SLC37A3: variants seen among roughly 807,000 people sequenced by gnomAD.
SLC37A3 encodes the protein solute carrier family 37 member 3, also known as sugar phosphate exchanger 3.
In SLC37A3, 51 loss-of-function variants were observed where a neutral mutation model predicts 67.1. That is an observed-to-expected ratio of 0.76 (90% CI 0.61 to 0.96). The LOEUF is 0.96. Ranked by LOEUF, SLC37A3 falls within the 40% of genes least tolerant of loss-of-function variation. SLC37A3 has a pLI of 0.00. For missense variants in SLC37A3, 508 were observed against 603.0 expected, an observed-to-expected ratio of 0.84 and a Z score of 1.65; for synonymous variants, 214 against 231.4, an observed-to-expected ratio of 0.92 and a Z score of 0.68.
intron 3 of SLC37A3, among the ~76,000 whole-genome samples, chr7:140,376,940 ATT>A (rs34892110): frequency 0.36 from 39,186 of 110,054 alleles, 5,794 homozygotes; most frequent in South Asian, 0.41. Flanking sequence ...CACCCAGCTA[ATT>A]TTTTTTTTTT....
At position 140,335,384 on chromosome 7, in the gene SLC37A3, A is replaced by G; in HGVS notation, c.*28T>C. On this transcript the variant is annotated 3_prime_UTR_variant, in exon 15 of 15. Transcript: ENST00000326232. ...CCCCAGCGGTCCTGATGTGGCTGACATTGTTCTTTCTGTCTCGCGGGCACC... is the reference window on the plus strand; with the variant it reads ...CCCCAGCGGTCCTGATGTGGCTGACGTTGTTCTTTCTGTCTCGCGGGCACC... 1 of 1,614,112 alleles carries G rather than the reference A, an allele frequency of 6.2e-7. No homozygotes were observed. The highest frequency in any genetic ancestry group is 8.5e-7 in the Non-Finnish European group (1 of 1,180,028).
chr7:140,375,560 C>A (rs1320140924), intron 3 of SLC37A3, among the ~76,000 whole-genome samples: 1 of 152,072 alleles, frequency 6.6e-6, no homozygotes, highest in African/African-American at 2.4e-5. Flanking sequence ...TATTTTTAAT[C>A]CATGTCAAGT....
At chr7:140,360,688 C>A (rs771640755) in intron 5 of SLC37A3, among the ~76,000 whole-genome samples, 74 of 148,828 alleles carry the variant, frequency 5.0e-4, no homozygotes, top group Non-Finnish European at 8.7e-4. Flanking sequence ...GAGCCAAGAT[C>A]ATGCCACTGC....
intron 1 of SLC37A3, among the ~76,000 whole-genome samples, chr7:140,395,273 G>A (rs1436618087): frequency 6.7e-6 from 1 of 150,258 alleles, no homozygotes; most frequent in African/African-American, 2.5e-5. Flanking sequence ...CTGCTTGGGA[G>A]GCTGAGGCAG....
In SLC37A3 at chr7:140,345,136, T is replaced by C. The variant is rs1205865553; in HGVS notation, c.1174+80A>G. The C allele has an allele frequency of 1.1e-5, 15 of 1,312,470 alleles. No individual in the cohort carries two copies. The East Asian group carries it at 3.3e-4, about 29-fold the overall frequency. 81.3% of individuals were successfully genotyped at this position (1,312,470 alleles called of 1,614,324 possible). ...AATTAAGGTTTCGGTACTACTCAAA[T>C]TGAGGGAGAAAACAGTTTCCCTTTT... On this transcript the variant is annotated intron_variant, in intron 12 of 14. Transcript: ENST00000326232.
intron 14 of SLC37A3, among the ~76,000 whole-genome samples, chr7:140,336,830 G>A (rs928893367): frequency 1.3e-5 from 2 of 152,006 alleles, no homozygotes; most frequent in African/African-American, 2.4e-5. Context: ...CAGGCGCAGT[G>A]GCTCCTGCCT....
chr7:140,379,782 T>C (rs1298332162), intron 3 of SLC37A3: 1 of 150,832 alleles, frequency 6.6e-6, no homozygotes, highest in South Asian at 2.1e-4. Context: ...TAGTCCCAGC[T>C]ACTCAGGGGG....
rs142522455 is a variant in SLC37A3 at position 140,348,666 on chromosome 7, G to A, written c.984C>T (p.Ala328=). The change falls in exon 10 of 15, where the codon GCC becomes GCT. Residue 328 remains alanine (A), a synonymous_variant. Transcript: ENST00000326232. ...CGTCGTACCAAATGGACAGCTTGTC[G>A]GCTTCCGCCTCCTTCCAGCCGAAGT... ...SNNFGWKEAE[A]DKLSIWYDVG... 933 of 1,614,030 alleles carry A rather than the reference G, an allele frequency of 5.8e-4. No individual in the cohort carries two copies. The highest frequency in any genetic ancestry group is 7.3e-4 in the Non-Finnish European group (864 of 1,179,992).
At chr7:140,338,946 G>A (rs950741504) in intron 13 of SLC37A3, among the ~76,000 whole-genome samples, 1 of 151,576 alleles carries the variant, frequency 6.6e-6, no homozygotes, top group Non-Finnish European at 1.5e-5. Context: ...TAGTAGAGAC[G>A]AGGTTTCACC....
At chr7:140,380,090 C>T (rs772744898) in intron 3 of SLC37A3, 192 bp downstream of exon 3, 30 of 360,620 alleles carry the variant, frequency 8.3e-5, no homozygotes, top group Non-Finnish European at 1.5e-4. Flanking sequence ...AGAAACAAGC[C>T]GGCTGGAGAG....
At chr7:140,356,834 G>A (rs1797048425) in intron 6 of SLC37A3, among the ~76,000 whole-genome samples, 1 of 152,166 alleles carries the variant, frequency 6.6e-6, no homozygotes, top group South Asian at 2.1e-4. Flanking sequence ...TGTTGGGAAG[G>A]GCACAGAGCA....
intron 14 of SLC37A3, among the ~76,000 whole-genome samples, chr7:140,335,917 G>A (rs1361912805): frequency 1.3e-5 from 2 of 152,250 alleles, no homozygotes; most frequent in African/African-American, 2.4e-5. Context: ...CATGGGCCCA[G>A]TCTTTAGAAG....
chr7:140,383,926 C>A (rs1338979211), intron 1 of SLC37A3, among the ~76,000 whole-genome samples: 3 of 152,196 alleles, frequency 2.0e-5, no homozygotes, highest in Non-Finnish European at 4.4e-5. Context: ...GATCTGCCCA[C>A]CTTGACCTCC....
intron 6 of SLC37A3, among the ~76,000 whole-genome samples, chr7:140,357,892 A>G (rs893066053): frequency 5.5e-5 from 8 of 146,424 alleles, no homozygotes; most frequent in African/African-American, 2.1e-4. Flanking sequence ...AATGGGCAAC[A>G]AGAGCAAAAC....
intron 13 of SLC37A3, among the ~76,000 whole-genome samples, chr7:140,339,851 C>T (rs1796287879): frequency 6.6e-6 from 1 of 151,850 alleles, no homozygotes; most frequent in Non-Finnish European, 1.5e-5. Context: ...ATTCTCCTGC[C>T]TCAGCCTCCC....
At chr7:140,338,226 T>C (rs930868231) in intron 13 of SLC37A3, among the ~76,000 whole-genome samples, 2 of 152,050 alleles carry the variant, frequency 1.3e-5, no homozygotes, top group Non-Finnish European at 2.9e-5. Context: ...TGGTATCAGT[T>C]ACATTCATAA....
chr7:140,356,980 A>G (rs1230405612), intron 6 of SLC37A3, among the ~76,000 whole-genome samples: 1 of 152,156 alleles, frequency 6.6e-6, no homozygotes, highest in Non-Finnish European at 1.5e-5. Context: ...TGGGAGGCCA[A>G]GGTGGGTGGA....
In SLC37A3 at chr7:140,358,693, G is replaced by A. The variant is rs760893344; in HGVS notation, c.468C>T (p.Ser156=). Residue 156 remains serine, a synonymous_variant, in exon 6 of 15, where the codon TCC becomes TCT. Transcript: ENST00000326232. ...CLWIVNGLLQ[S]TGWPCVVAVM... ...CAGCAACCACACAGGGCCAACCAGT[G>A]GACTGCAGCAGGCCGTTCACAATCC... The A allele has an allele frequency of 9.9e-6, 16 of 1,614,012 alleles. No homozygotes were observed. Among genetic ancestry groups the A allele is most frequent in the Middle Eastern group, 3.3e-4 (2 of 6,084 alleles).
At chr7:140,398,027 A>G (rs1434453364) in intron 1 of SLC37A3, among the ~76,000 whole-genome samples, 1 of 151,976 alleles carries the variant, frequency 6.6e-6, no homozygotes, top group African/African-American at 2.4e-5. Context: ...TTCCTTCCCC[A>G]CCTACCTGAA....
Sources: gnomAD v4.1 joint callset for allele counts (sites outside exome capture counted in the v4.1 genomes callset) on GRCh38, gnomAD v4.1.1 for gene constraint, MANE v1.5 for transcripts, NCBI Gene and HGNC (gene_info 2026-07-23, HGNC 2026-07-21) for gene names.